RAP1GDS1: variants seen among roughly 807,000 people sequenced by gnomAD.
RAP1GDS1 encodes RAP1, GTP-GDP dissociation stimulator 1.
Under a neutral mutation model 71.1 loss-of-function variants are expected in RAP1GDS1, and 35 were observed. The observed-to-expected ratio is 0.49, with a 90% CI of 0.38 to 0.65. The LOEUF is 0.65. Among genes scored for constraint, RAP1GDS1 ranks in the 30% least tolerant of loss-of-function variants. RAP1GDS1 has a pLI of 0.00. For synonymous variants in RAP1GDS1, 229 were observed against 243.1 expected (o/e 0.94, Z 0.54); for missense variants, 663 against 706.1 (o/e 0.94, Z 0.69).
chr4:98,429,131 G>A (rs1326737927), intron 12 of RAP1GDS1, among the ~76,000 whole-genome samples: 5 of 152,004 alleles, frequency 3.3e-5, no homozygotes, highest in Non-Finnish European at 5.9e-5. Flanking sequence ...GGTGGCGGGC[G>A]CCTGTAGTCC....
At chr4:98,305,464 T>C (rs1729182002) in intron 2 of RAP1GDS1, among the ~76,000 whole-genome samples, 2 of 152,146 alleles carry the variant, frequency 1.3e-5, no homozygotes, top group African/African-American at 4.8e-5. Flanking sequence ...TCCTATGTGC[T>C]TAATCTAAAA....
At chr4:98,331,222 T>C (rs1045766582) in intron 2 of RAP1GDS1, among the ~76,000 whole-genome samples, 1 of 150,476 alleles carries the variant, frequency 6.6e-6, no homozygotes, top group Non-Finnish European at 1.5e-5. Context: ...GGCAGGGAGG[T>C]TGCAGTGAGC....
intron 12 of RAP1GDS1, among the ~76,000 whole-genome samples, chr4:98,422,071 G>T (rs988957550): frequency 1.3e-5 from 2 of 151,654 alleles, no homozygotes; most frequent in Non-Finnish European, 2.9e-5. Flanking sequence ...GTGGTGGCGG[G>T]CACCTGTAGT....
At position 98,443,500 on chromosome 4, in the gene RAP1GDS1, A is replaced by T. The variant is rs17027596; in HGVS notation, c.*1383A>T. On this transcript the variant is annotated 3_prime_UTR_variant, in exon 15 of 15. Coordinates refer to ENST00000408927, the MANE Select transcript of RAP1GDS1 (RefSeq NM_001100427.2). ...AAGGCAAGATGGGCTTCGATATAGAAGGACTGCAAGACAGTAGAAAGGGCT... is the reference window on the plus strand; with the variant it reads ...AAGGCAAGATGGGCTTCGATATAGATGGACTGCAAGACAGTAGAAAGGGCT... 10,269 of 229,000 alleles carry T rather than the reference A, an allele frequency of 0.045. 706 individuals carry two copies. Among genetic ancestry groups the T allele is most frequent in the African/African-American group, 0.17 (7,757 of 45,172 alleles). 14.2% of individuals were successfully genotyped at this position (229,000 alleles called of 1,614,324 possible).
intron 7 of RAP1GDS1, among the ~76,000 whole-genome samples, chr4:98,415,975 G>T (rs1311486740): frequency 6.6e-6 from 1 of 152,040 alleles, no homozygotes; most frequent in Non-Finnish European, 1.5e-5. Context: ...GGAGTGCAGT[G>T]GCACAGTCAT....
At chr4:98,301,607 G>T (rs887464971) in intron 2 of RAP1GDS1, among the ~76,000 whole-genome samples, 1 of 152,154 alleles carries the variant, frequency 6.6e-6, no homozygotes, top group Non-Finnish European at 1.5e-5. Flanking sequence ...GGAGAGTTAA[G>T]ACTCCAGAGA....
intron 4 of RAP1GDS1, among the ~76,000 whole-genome samples, chr4:98,370,225 G>A (rs1489808123): frequency 1.3e-5 from 2 of 152,134 alleles, no homozygotes; most frequent in African/African-American, 4.8e-5. Context: ...TAATTTAGTT[G>A]CAGATTTTGA....
intron 3 of RAP1GDS1, among the ~76,000 whole-genome samples, chr4:98,345,033 A>G (rs1448199043): frequency 3.9e-5 from 6 of 152,192 alleles, no homozygotes; most frequent in African/African-American, 1.2e-4. Flanking sequence ...AGGTCTCCCT[A>G]TGTTGCCCAG....
At chr4:98,400,388 G>A (rs985502764) in intron 6 of RAP1GDS1, among the ~76,000 whole-genome samples, 3 of 151,878 alleles carry the variant, frequency 2.0e-5, no homozygotes, top group Non-Finnish European at 4.4e-5. Flanking sequence ...TTCAGCCACC[G>A]AAAAGAATGA....
chr4:98,368,112 C>A (rs1739793373), intron 4 of RAP1GDS1, among the ~76,000 whole-genome samples: 1 of 152,034 alleles, frequency 6.6e-6, no homozygotes, highest in Admixed American at 6.6e-5. Flanking sequence ...GGGGGCAGAT[C>A]TTTCCTGTGC....
chr4:98,417,836 T>C (rs1340027002), intron 9 of RAP1GDS1, among the ~76,000 whole-genome samples: 1 of 152,168 alleles, frequency 6.6e-6, no homozygotes, highest in African/African-American at 2.4e-5. Context: ...TGAGTATTCA[T>C]TCTAGGATTA....
In RAP1GDS1 at chr4:98,266,417, G is replaced by C. The variant is rs530450150; in HGVS notation, c.4+4848G>C. 1.2e-4 allele frequency among the ~76,000 whole-genome samples: 19 copies of C among 152,094 alleles called. 1 individual carries two copies. In the South Asian group the frequency reaches 3.5e-3, roughly 28 times the overall value. ...AATTTGAGACTTCTTTAGATTATAG[G>C]TATGCTTCTAATTATATTTTTAATT... On this transcript the variant is annotated intron_variant, in intron 1 of 14. Coordinates refer to ENST00000408927, the MANE Select transcript of RAP1GDS1 (RefSeq NM_001100427.2).
rs1199610479 is a variant in RAP1GDS1 at position 98,434,083 on chromosome 4, C to G, written c.1567+21C>G. On this transcript the variant is annotated intron_variant, in intron 13 of 14. Transcript: ENST00000408927. ...ATTGGGTAAGTACCCCAGTGACAAA[C>G]TTATTTTCTTCTATTTTTATCTTGG... 3 of 1,609,032 alleles carry G rather than the reference C, an allele frequency of 1.9e-6. No homozygotes were observed. In the South Asian group the frequency reaches 3.3e-5, roughly 18 times the overall value.
At chr4:98,423,952 G>A (rs1749251942) in intron 12 of RAP1GDS1, among the ~76,000 whole-genome samples, 1 of 152,148 alleles carries the variant, frequency 6.6e-6, no homozygotes, top group South Asian at 2.1e-4. Context: ...AAGGTTTTGA[G>A]TTGAGCAATT....
Position 98,421,384 on chromosome 4 carries a change from G to A in RAP1GDS1, c.1430G>A (p.Ser477Asn). 6.3e-7 allele frequency: 1 copy of A among 1,592,518 alleles called. No individual in the cohort carries two copies. The highest frequency in any genetic ancestry group is 8.5e-7 in the Non-Finnish European group (1 of 1,170,530). Residue 477 changes from serine (S) to asparagine (N), a missense_variant, in exon 12 of 15, where the codon AGT becomes AAT. Coordinates refer to ENST00000408927, the MANE Select transcript of RAP1GDS1 (RefSeq NM_001100427.2). Reference protein sequence around the residue: ...NRLLSALIRHSKSKDVIKTIV... With the variant: ...NRLLSALIRHNKSKDVIKTIV... ...CTGCTGTCTGCCCTTATACGACACA[G>A]TAAATCAAAAGTAAGTTCCAGAGGA...
intron 5 of RAP1GDS1, among the ~76,000 whole-genome samples, chr4:98,388,297 T>C (rs1403098196): frequency 6.6e-6 from 1 of 152,170 alleles, no homozygotes; most frequent in East Asian, 1.9e-4. Flanking sequence ...TCTCTGAAAA[T>C]ATCAGAGTGC....
Position 98,331,072 on chromosome 4 carries a change from G to A in RAP1GDS1, c.113-12067G>A, listed in dbSNP as rs186605580. The stretch of plus-strand genomic sequence containing the variant: ...GCACCTCGGGAGGCCAAGGCGGGCA[G>A]ATACTCGAGGTCAGGAGCTGGAGAC... On this transcript the variant is annotated intron_variant, in intron 2 of 14. Transcript: ENST00000408927. Among the ~76,000 whole-genome samples the A allele has an allele frequency of 3.9e-5, 6 of 152,318 alleles. No individual in the cohort carries two copies. The East Asian group carries it at 1.2e-3, about 29-fold the overall frequency.
At chr4:98,291,006 G>C (rs1726834195) in intron 1 of RAP1GDS1, among the ~76,000 whole-genome samples, 1 of 152,112 alleles carries the variant, frequency 6.6e-6, no homozygotes, top group South Asian at 2.1e-4. Context: ...TGTTTAGACT[G>C]ATGTTTCTAA....
rs139055940 is a variant in RAP1GDS1, at chr4:98,331,900, T to G, written c.113-11239T>G. Among the ~76,000 whole-genome samples the G allele has an allele frequency of 6.9e-3, 1,048 of 152,316 alleles. 11 individuals are homozygous for G. Among genetic ancestry groups the G allele is most frequent in the African/African-American group, 0.023 (975 of 41,566 alleles). On this transcript the variant is annotated intron_variant, in intron 2 of 14. Coordinates refer to ENST00000408927, the MANE Select transcript of RAP1GDS1 (RefSeq NM_001100427.2). Reference sequence around the variant, plus strand: ...ATCAGTCTTTTTTATTATTATTATTTATTTTAACCAGAGTAATAATCAAAA... The same window carrying G: ...ATCAGTCTTTTTTATTATTATTATTGATTTTAACCAGAGTAATAATCAAAA...
Sources: gnomAD v4.1 joint callset for allele counts (sites outside exome capture counted in the v4.1 genomes callset) on GRCh38, gnomAD v4.1.1 for gene constraint, MANE v1.5 for transcripts, NCBI Gene and HGNC (gene_info 2026-07-23, HGNC 2026-07-21) for gene names.